The following ADGRG4 variants were observed in gnomAD, a reference collection of about 807,000 sequenced individuals.
ADGRG4 encodes G protein-coupled receptor 112.
Under a neutral mutation model 126.2 loss-of-function variants are expected in ADGRG4, and 122 were observed. That is an observed-to-expected ratio of 0.97 (90% CI 0.83 to 1.12). The LOEUF (loss-of-function observed/expected upper bound fraction) is 1.12. ADGRG4 is among the 50% of genes most tolerant of loss of function. ADGRG4 has a pLI of 0.00. For synonymous variants in ADGRG4, 943 were observed against 838.7 expected, an observed-to-expected ratio of 1.12 and a Z score of -2.15; for missense variants, 2,481 against 2,251.8, an observed-to-expected ratio of 1.10 and a Z score of -2.06.
chrX:136,377,942 A>G (rs1308360820), intron 15 of ADGRG4, among the ~76,000 whole-genome samples: 1 of 110,151 alleles, frequency 9.1e-6, no homozygotes, highest in Non-Finnish European at 1.9e-5. Flanking sequence ...GTTGCTTTTC[A>G]AGATTGCTTT....
Position 136,322,883 on chromosome X carries a change from T to C in ADGRG4, c.176T>C (p.Ile59Thr). 8.3e-7 allele frequency: 1 copy of C among 1,211,667 alleles called. No individual in the cohort carries two copies. Among genetic ancestry groups the C allele is most frequent in the Non-Finnish European group, 1.1e-6 (1 of 895,304 alleles). ...IPELSRFTACIDLVFMDDNSR... is the reference protein window; with the variant it reads ...IPELSRFTACTDLVFMDDNSR... ...GAACTCAGCCGATTCACAGCATGCATTGATCTGGTATTCATGGATGACAAC... is the reference window on the plus strand; with the variant it reads ...GAACTCAGCCGATTCACAGCATGCACTGATCTGGTATTCATGGATGACAAC... Residue 59 changes from isoleucine to threonine, a missense_variant, in exon 5 of 26, where the codon ATT becomes ACT. By Grantham distance (89) the Ile-to-Thr change is moderately conservative (BLOSUM62 -1). Coordinates refer to ENST00000394143, the MANE Select transcript of ADGRG4 (RefSeq NM_153834.4).
Position 136,400,115 on chromosome X carries a change from G to A in ADGRG4, c.8574G>A (p.Trp2858Ter). 3 of 1,175,348 alleles carry A rather than the reference G, an allele frequency of 2.6e-6. No individual in the cohort carries two copies. Among genetic ancestry groups the A allele is most frequent in the Non-Finnish European group, 3.5e-6 (3 of 864,740 alleles). The change falls in exon 21 of 26, where the codon TGG becomes TGA. Residue 2858 changes from tryptophan (W) to a stop codon, truncating the protein, a stop_gained and splice_region_variant. Coordinates refer to ENST00000394143, the MANE Select transcript of ADGRG4 (RefSeq NM_153834.4). LOFTEE classifies it high-confidence loss of function. Reference protein sequence around the residue: ...NYILKFCLVGWGIPAIMVAIT... With the variant: ...NYILKFCLVG ...TCCTTAAATTTTGTCTAGTTGGTTGGGGTAAGTATATCTGCCATTGTTTTT... is the reference window on the plus strand; with the variant it reads ...TCCTTAAATTTTGTCTAGTTGGTTGAGGTAAGTATATCTGCCATTGTTTTT...
At chrX:136,383,059 T>C (rs895784752) in intron 15 of ADGRG4, among the ~76,000 whole-genome samples, 23 of 111,717 alleles carry the variant, frequency 2.1e-4, no homozygotes, top group African/African-American at 7.2e-4. Flanking sequence ...TATTGGACGC[T>C]GATTTAGAGC....
intron 3 of ADGRG4, 76 bp from the exon 4 acceptor site, chrX:136,308,693 A>G: frequency 3.3e-6 from 2 of 599,343 alleles, no homozygotes; most frequent in South Asian, 2.4e-5. Flanking sequence ...GCAAAGGAGA[A>G]GTGTGGTCAC....
chrX:136,313,124 A>T (rs1332542993), intron 4 of ADGRG4, among the ~76,000 whole-genome samples: 1 of 112,730 alleles, frequency 8.9e-6, no homozygotes, highest in East Asian at 2.8e-4. Context: ...ACATTTGTGT[A>T]CAAGTTTTGT....
chrX:136,356,193 T>A, intron 9 of ADGRG4, 28 bp downstream of exon 9: 1 of 1,064,045 alleles, frequency 9.4e-7, no homozygotes, highest in South Asian at 2.1e-5. Context: ...ATGAATCTAC[T>A]TGTGACCTAT....
intron 1 of ADGRG4, among the ~76,000 whole-genome samples, chrX:136,303,040 G>A (rs532598527): frequency 8.9e-6 from 1 of 111,913 alleles, no homozygotes; most frequent in South Asian, 3.8e-4. Context: ...AAAAGCATGA[G>A]CCTGGTGCAG....
chrX:136,394,428 T>C (rs1381093859), intron 18 of ADGRG4, among the ~76,000 whole-genome samples: 1 of 112,023 alleles, frequency 8.9e-6, no homozygotes, highest in African/African-American at 3.2e-5. Flanking sequence ...CTTTCCCTTT[T>C]TCACTATCCT....
chrX:136,349,260 A>G lies in ADGRG4; in HGVS notation c.5554A>G (p.Thr1852Ala). Residue 1852 changes from threonine to alanine, a missense_variant, in exon 6 of 26, where the codon ACC becomes GCC. By Grantham distance (58) the Thr-to-Ala change is moderately conservative (BLOSUM62 0). Transcript: ENST00000394143. ...STEAEISTPK[T>A]SPPPTSQMVE... ...TGAAGCTGAGATCTCTACTCCAAAG[A>G]CCTCTCCTCCTCCCACATCCCAAAT... 1 of 1,200,271 alleles carries G rather than the reference A, an allele frequency of 8.3e-7. No homozygotes were observed. Among genetic ancestry groups the G allele is most frequent in the Non-Finnish European group, 1.1e-6 (1 of 886,321 alleles).
Position 136,363,479 on chromosome X carries a change from C to T in ADGRG4, c.7280C>T (p.Ser2427Leu), listed in dbSNP as rs1449442175. The T allele has an allele frequency of 8.7e-7, 1 of 1,155,801 alleles. No individual in the cohort carries two copies. Among genetic ancestry groups the T allele is most frequent in the South Asian group, 1.8e-5 (1 of 55,584 alleles). Residue 2427 changes from serine to leucine, a missense_variant and splice_region_variant, in exon 13 of 26, where the codon TCA becomes TTA. Coordinates refer to ENST00000394143, the MANE Select transcript of ADGRG4 (RefSeq NM_153834.4). ...AAGCTCTTTCCTCTCTTTTTCAGTT[C>T]AATCAGCATCAACACGGGCAAATCT... ...NEDGNATRFC[S>L]ISINTGKSQW...
intron 13 of ADGRG4, among the ~76,000 whole-genome samples, chrX:136,365,067 G>T (rs2075150590): frequency 9.0e-6 from 1 of 111,704 alleles, no homozygotes; most frequent in South Asian, 3.8e-4. Flanking sequence ...CAGACTTCTG[G>T]ATCTTTTTGC....
At chrX:136,392,937 G>A (rs759263442) in intron 17 of ADGRG4, among the ~76,000 whole-genome samples, 1 of 111,951 alleles carries the variant, frequency 8.9e-6, no homozygotes, top group East Asian at 2.8e-4. Flanking sequence ...TTCTAGAAGG[G>A]AAGAAGAGAA....
Position 136,346,754 on chromosome X carries a change from A to G in ADGRG4, c.3048A>G (p.Ser1016=). The G allele has an allele frequency of 8.3e-7, 1 of 1,210,370 alleles. No individual in the cohort carries two copies. The highest frequency in any genetic ancestry group is 1.1e-6 in the Non-Finnish European group (1 of 894,383). ...CTGTGCCTGTTACTCATATGTTCTC[A>G]TTGCCAGTTAATGGCAGTTCTGTGG... ...ATPVPVTHMF[S]LPVNGSSVVA... The change falls in exon 6 of 26, where the codon TCA becomes TCG. Residue 1016 remains serine (S), a synonymous_variant. Transcript: ENST00000394143.
At chrX:136,403,454 A>C (rs1336633836) in intron 22 of ADGRG4, 132 bp downstream of exon 22, 1 of 448,038 alleles carries the variant, frequency 2.2e-6, no homozygotes, top group East Asian at 3.8e-5. Flanking sequence ...TTTTGCCCTA[A>C]ACATAGGCCA....
chrX:136,325,813 C>A (rs757727061), intron 5 of ADGRG4, among the ~76,000 whole-genome samples: 17 of 107,982 alleles, frequency 1.6e-4, no homozygotes, highest in African/African-American at 5.8e-4. Flanking sequence ...CGGGTTCAAG[C>A]GATTCTCCTA....
rs192132402 is a variant in ADGRG4, at chrX:136,378,152, T to C, written c.7776+5088T>C. ...ATTTACATTTCTCTGAGCAATGTTT[T>C]GTAGTTTAGGTGGGGAGATATTGCA... is the stretch of plus-strand genomic sequence containing the variant. On this transcript the variant is annotated intron_variant, in intron 15 of 25. Coordinates refer to ENST00000394143, the MANE Select transcript of ADGRG4 (RefSeq NM_153834.4). 9.9e-5 allele frequency among the ~76,000 whole-genome samples: 11 copies of C among 111,446 alleles called. No individual in the cohort carries two copies. In the East Asian group the frequency reaches 3.1e-3, roughly 31 times the overall value.
intron 3 of ADGRG4, among the ~76,000 whole-genome samples, chrX:136,307,331 G>A (rs746209584): frequency 8.9e-6 from 1 of 112,266 alleles, no homozygotes; most frequent in East Asian, 2.8e-4. Context: ...GAGTCCCAGG[G>A]AAATTAAGGA....
In ADGRG4 at chrX:136,411,275, A is replaced by G. The variant is rs1174980785; in HGVS notation, c.8936-990A>G. On this transcript the variant is annotated intron_variant, in intron 23 of 25. Coordinates refer to ENST00000394143, the MANE Select transcript of ADGRG4 (RefSeq NM_153834.4). ...GTGTTGACCAAGTTGGTCTTGAACT[A>G]CTGACTTCAAGTGATCCACCTGCCT... is the stretch of plus-strand genomic sequence containing the variant. Among the ~76,000 whole-genome samples the G allele has an allele frequency of 4.5e-5, 5 of 112,341 alleles. No individual in the cohort carries two copies. In the Admixed American group the frequency reaches 4.7e-4, roughly 11 times the overall value.
chrX:136,371,917 C>A (rs1436278953), intron 14 of ADGRG4, among the ~76,000 whole-genome samples: 1 of 111,454 alleles, frequency 9.0e-6, no homozygotes, highest in Non-Finnish European at 1.9e-5. Context: ...AGGATACGAA[C>A]GGACGACTGT....
Sources: allele counts gnomAD v4.1 joint callset (sites outside exome capture counted in the v4.1 genomes callset), GRCh38; gene constraint gnomAD v4.1.1; transcripts MANE v1.5; gene names NCBI Gene and HGNC (gene_info 2026-07-23, HGNC 2026-07-21).